Variants in DEPDC1B observed in about 807,000 individuals in gnomAD.
DEPDC1B encodes DEP domain containing 1B.
In DEPDC1B, 51 loss-of-function variants were observed where a neutral mutation model predicts 66.5. That is an observed-to-expected ratio of 0.77 (90% CI 0.61 to 0.97). The LOEUF (loss-of-function observed/expected upper bound fraction) is 0.97, where lower values mean the gene tolerates loss of function less well. DEPDC1B is among the 50% of genes least tolerant of loss of function. DEPDC1B has a pLI of 0.00. For synonymous variants in DEPDC1B, 226 were observed against 223.6 expected, an observed-to-expected ratio of 1.01 and a Z score of -0.10; for missense variants, 552 against 637.1, an observed-to-expected ratio of 0.87 and a Z score of 1.44.
intron 8 of DEPDC1B, 116 bp downstream of exon 8, chr5:60,605,574 T>G: frequency 2.7e-6 from 3 of 1,124,814 alleles, no homozygotes; most frequent in Non-Finnish European, 3.7e-6. Flanking sequence ...GGACACTGAC[T>G]GTGGCTCTTT....
In DEPDC1B at chr5:60,603,614, T is replaced by C. The variant is rs573247435; in HGVS notation, c.1066-47A>G. On this transcript the variant is annotated intron_variant, in intron 8 of 10. Coordinates refer to ENST00000265036, the MANE Select transcript of DEPDC1B (RefSeq NM_018369.3). ...GGGTAAACGCAGATGAGTATTTTTC[T>C]GAACTGAGTGCAATCTAATTTGCAA... 9 of 1,513,144 alleles carry C rather than the reference T, an allele frequency of 5.9e-6. No homozygotes were observed. In the East Asian group the frequency reaches 1.9e-4, roughly 31 times the overall value. The allele number at this position is 1,513,144 out of a possible 1,614,324, so 93.7% of individuals were successfully genotyped here.
rs1425895379 is a variant in DEPDC1B at position 60,667,800 on chromosome 5, TAC to T, written c.314+19160_314+19161del. Among the ~76,000 whole-genome samples, 73 of 105,516 alleles carry T rather than the reference TAC, an allele frequency of 6.9e-4. 7 individuals carry two copies. The highest frequency in any genetic ancestry group is 2.1e-3 in the African/African-American group (58 of 28,168). 69.2% of individuals were successfully genotyped at this position (105,516 alleles called of 152,430 possible). The stretch of plus-strand genomic sequence containing the variant: ...ACATATATATAAAAAATGGATATTT[TAC>T]ATATATATAAAAAATGGATATTTTA... On this transcript the variant is annotated intron_variant, in intron 2 of 10. Transcript: ENST00000265036.
intron 7 of DEPDC1B, among the ~76,000 whole-genome samples, chr5:60,617,840 T>C (rs1752598103): frequency 6.6e-6 from 1 of 152,208 alleles, no homozygotes; most frequent in African/African-American, 2.4e-5. Flanking sequence ...TATACATTCT[T>C]CTCAGCACCA....
intron 7 of DEPDC1B, among the ~76,000 whole-genome samples, chr5:60,621,101 G>A (rs2111784299): frequency 6.6e-6 from 1 of 151,694 alleles, no homozygotes; most frequent in South Asian, 2.1e-4. Context: ...AGAACACATT[G>A]ACACAGGAAG....
intron 2 of DEPDC1B, among the ~76,000 whole-genome samples, chr5:60,666,782 T>C (rs1474348269): frequency 6.6e-6 from 1 of 152,102 alleles, no homozygotes; most frequent in Non-Finnish European, 1.5e-5. Flanking sequence ...CCTAAGACCA[T>C]CACGCTACAA....
At chr5:60,609,227 C>A (rs985526622) in intron 7 of DEPDC1B, among the ~76,000 whole-genome samples, 1 of 152,146 alleles carries the variant, frequency 6.6e-6, no homozygotes, top group African/African-American at 2.4e-5. Context: ...GGGTGATAAG[C>A]GACCATCCTT....
intron 2 of DEPDC1B, among the ~76,000 whole-genome samples, chr5:60,672,792 C>A (rs978950899): frequency 4.6e-5 from 7 of 152,056 alleles, no homozygotes; most frequent in Admixed American, 2.6e-4. Context: ...GAGATTAGAC[C>A]CCAGGCCTGC....
intron 2 of DEPDC1B, among the ~76,000 whole-genome samples, chr5:60,650,393 T>C (rs1027994368): frequency 6.6e-6 from 1 of 152,158 alleles, no homozygotes; most frequent in African/African-American, 2.4e-5. Context: ...GCCGGATAGT[T>C]CTTTGTTGTG....
chr5:60,647,593 C>A (rs1753350635), intron 2 of DEPDC1B, 60 bp from the exon 3 acceptor site: 1 of 1,550,248 alleles, frequency 6.5e-7, no homozygotes, highest in Non-Finnish European at 8.7e-7. Context: ...GATATTTTAA[C>A]AATAGTCTCC....
At chr5:60,659,023 G>C (rs911828369) in intron 2 of DEPDC1B, among the ~76,000 whole-genome samples, 9 of 152,180 alleles carry the variant, frequency 5.9e-5, no homozygotes, top group African/African-American at 2.2e-4. Context: ...GCATGGCTAA[G>C]GGCCCAGGGT....
chr5:60,602,404 T>C (rs1752219456), intron 9 of DEPDC1B, among the ~76,000 whole-genome samples: 1 of 152,196 alleles, frequency 6.6e-6, no homozygotes. Context: ...AAAATTGCCT[T>C]CTAGAAACAG....
intron 1 of DEPDC1B, among the ~76,000 whole-genome samples, chr5:60,699,363 A>G (rs1754724082): frequency 2.6e-5 from 1 of 38,278 alleles, no homozygotes; most frequent in South Asian, 6.6e-4. Context: ...AACTTGCCAC[A>G]GACATTACCA....
Position 60,617,899 on chromosome 5 carries a change from C to T in DEPDC1B, c.899-12043G>A, listed in dbSNP as rs185316448. On this transcript the variant is annotated intron_variant, in intron 7 of 10. Transcript: ENST00000265036. ...CCACATAGTTGGAAGTAAAGCACTCCTCAGCAAATGTAAAAGAACAGAAAT... is the reference window on the plus strand; with the variant it reads ...CCACATAGTTGGAAGTAAAGCACTCTTCAGCAAATGTAAAAGAACAGAAAT... Among the ~76,000 whole-genome samples, 390 of 152,306 alleles carry T rather than the reference C, an allele frequency of 2.6e-3. 4 individuals carry two copies. The highest frequency in any genetic ancestry group is 9.1e-3 in the African/African-American group (380 of 41,562).
intron 7 of DEPDC1B, among the ~76,000 whole-genome samples, chr5:60,609,020 G>A (rs1173473169): frequency 6.6e-6 from 1 of 152,070 alleles, no homozygotes; most frequent in African/African-American, 2.4e-5. Flanking sequence ...TGAGGCAAGA[G>A]GATCACTTGA....
intron 7 of DEPDC1B, among the ~76,000 whole-genome samples, chr5:60,616,267 C>T (rs1164937328): frequency 6.6e-6 from 1 of 152,172 alleles, no homozygotes; most frequent in Admixed American, 6.5e-5. Flanking sequence ...AGCTCCTCAG[C>T]AGCAACAGAA....
intron 7 of DEPDC1B, among the ~76,000 whole-genome samples, chr5:60,637,689 A>C (rs1489175697): frequency 1.3e-5 from 2 of 152,224 alleles, no homozygotes; most frequent in African/African-American, 4.8e-5. Context: ...AATACCAAGA[A>C]GGTCCAGTAG....
At chr5:60,665,526 C>T (rs1178656134) in intron 2 of DEPDC1B, among the ~76,000 whole-genome samples, 2 of 152,154 alleles carry the variant, frequency 1.3e-5, no homozygotes, top group Non-Finnish European at 2.9e-5. Flanking sequence ...ACCGCAGGAC[C>T]CCTGGACCGG....
At chr5:60,627,097 A>C (rs533691417) in intron 7 of DEPDC1B, among the ~76,000 whole-genome samples, 3 of 152,270 alleles carry the variant, frequency 2.0e-5, no homozygotes, top group Middle Eastern at 3.4e-3. Context: ...GGAGTGCTAC[A>C]TTTTGTTTTC....
chr5:60,646,503 C>A (rs1198447838), intron 3 of DEPDC1B, among the ~76,000 whole-genome samples: 2 of 152,192 alleles, frequency 1.3e-5, no homozygotes, highest in Admixed American at 1.3e-4. Context: ...CTGCCATATA[C>A]AATTGACTCT....
Sources: allele counts gnomAD v4.1 joint callset (sites outside exome capture counted in the v4.1 genomes callset), GRCh38; gene constraint gnomAD v4.1.1; transcripts MANE v1.5; gene names NCBI Gene and HGNC (gene_info 2026-07-23, HGNC 2026-07-21).